The following GRHL2 variants were observed in gnomAD, a reference collection of about 807,000 sequenced individuals.
The protein encoded by GRHL2 is grainyhead-like protein 2 homolog.
A neutral mutation model predicts 83.8 loss-of-function variants in GRHL2; 21 were observed. The observed-to-expected ratio is 0.25, with a 90% confidence interval of 0.18 to 0.36. GRHL2 has a LOEUF of 0.36. GRHL2 is among the 10% of genes least tolerant of loss of function. The pLI, the probability that GRHL2 is intolerant of heterozygous loss-of-function variation, is 1.00. For synonymous variants in GRHL2, 280 were observed against 278.9 expected (o/e 1.00, Z -0.04); for missense variants, 623 against 781.8 (o/e 0.80, Z 2.42).
At chr8:101,679,472 G>A in the GRHL2 span, among the ~76,000 whole-genome samples, 3 of 150,008 alleles carry the variant, frequency 2.0e-5, no homozygotes, top group Non-Finnish European at 4.4e-5. Context: ...AAGTGATGGG[G>A]AGAATGGAAC....
intron 5 of GRHL2, 120 bp downstream of exon 5, chr8:101,570,514 C>T: frequency 1.2e-6 from 1 of 859,072 alleles, no homozygotes; most frequent in Non-Finnish European, 2.0e-6. Flanking sequence ...GTGTGATTTC[C>T]TTTGCCTCAG....
chr8:101,569,900 A>G (rs565932958), intron 4 of GRHL2, among the ~76,000 whole-genome samples: 4 of 152,350 alleles, frequency 2.6e-5, no homozygotes, highest in Admixed American at 1.3e-4. Context: ...ACTTGACCCT[A>G]TACAATCTTG....
At chr8:101,582,095 G>A (rs907887464) in intron 7 of GRHL2, among the ~76,000 whole-genome samples, 16 of 152,052 alleles carry the variant, frequency 1.1e-4, no homozygotes, top group Admixed American at 7.2e-4. Flanking sequence ...AAAATTAGCC[G>A]GACGTGGTGG....
At chr8:101,578,480 A>G (rs1811979393) in intron 7 of GRHL2, among the ~76,000 whole-genome samples, 1 of 152,222 alleles carries the variant, frequency 6.6e-6, no homozygotes, top group African/African-American at 2.4e-5. Flanking sequence ...CAGTTTGCAG[A>G]ATCAACCTCT....
intron 1 of GRHL2, among the ~76,000 whole-genome samples, chr8:101,539,170 G>T (rs1811102131): frequency 1.3e-5 from 2 of 152,122 alleles, no homozygotes; most frequent in East Asian, 3.9e-4. Flanking sequence ...CTTCAGCTTG[G>T]TGCTTCCTGC....
At chr8:101,673,450 A>C (rs921363945), downstream of GRHL2, among the ~76,000 whole-genome samples, 1 of 150,788 alleles carries the variant, frequency 6.6e-6, no homozygotes, top group African/African-American at 2.5e-5. Flanking sequence ...CAAAAGAGAC[A>C]AAGAAGGCCA....
intron 1 of GRHL2, among the ~76,000 whole-genome samples, chr8:101,511,480 T>G (rs905139739): frequency 1.6e-4 from 24 of 152,286 alleles, no homozygotes; most frequent in Non-Finnish European, 3.2e-4. Flanking sequence ...CTCGAGTAGC[T>G]GGGACTACAG....
At chr8:101,527,323 T>C (rs990034337) in intron 1 of GRHL2, among the ~76,000 whole-genome samples, 3 of 152,192 alleles carry the variant, frequency 2.0e-5, no homozygotes, top group Admixed American at 6.5e-5. Flanking sequence ...TCTCCTTACG[T>C]ACAAAGCAAA....
intron 15 of GRHL2, among the ~76,000 whole-genome samples, chr8:101,665,439 A>G (rs1176173404): frequency 6.6e-6 from 1 of 152,218 alleles, no homozygotes; most frequent in Non-Finnish European, 1.5e-5. Flanking sequence ...CTGAGTGATG[A>G]GTCCTGTTGG....
intron 14 of GRHL2, among the ~76,000 whole-genome samples, chr8:101,658,557 C>T (rs1268367286): frequency 6.6e-6 from 1 of 152,146 alleles, no homozygotes; most frequent in Non-Finnish European, 1.5e-5. Context: ...ATGGCTGGTG[C>T]CGCTGCTACC....
chr8:101,537,246 C>G (rs1181549360), intron 1 of GRHL2, among the ~76,000 whole-genome samples: 2 of 152,024 alleles, frequency 1.3e-5, no homozygotes, highest in African/African-American at 4.8e-5. Context: ...TTCTCAGGTA[C>G]TATATATCTG....
intron 7 of GRHL2, among the ~76,000 whole-genome samples, chr8:101,591,060 A>C (rs772034507): frequency 2.0e-5 from 3 of 152,228 alleles, no homozygotes; most frequent in Non-Finnish European, 4.4e-5. Context: ...CCTACAATCC[A>C]TTTGAAGAAA....
intron 12 of GRHL2, among the ~76,000 whole-genome samples, chr8:101,643,330 A>T (rs1346626225): frequency 7.1e-6 from 1 of 141,742 alleles, no homozygotes; most frequent in African/African-American, 2.6e-5. Flanking sequence ...ACATTTTCTC[A>T]GTATCAATGA....
chr8:101,564,221 A>G (rs1253294130), intron 4 of GRHL2, among the ~76,000 whole-genome samples: 1 of 152,226 alleles, frequency 6.6e-6, no homozygotes, highest in Non-Finnish European at 1.5e-5. Context: ...ATTAAATTGA[A>G]TATCCTACTA....
intron 1 of GRHL2, among the ~76,000 whole-genome samples, chr8:101,539,470 G>C (rs1326317222): frequency 6.6e-6 from 1 of 152,068 alleles, no homozygotes; most frequent in Non-Finnish European, 1.5e-5. Context: ...AATCGTGGGG[G>C]GCCGGTGACA....
downstream of GRHL2, among the ~76,000 whole-genome samples, chr8:101,674,510 A>G (rs1278214704): frequency 2.0e-5 from 3 of 152,154 alleles, no homozygotes; most frequent in Non-Finnish European, 4.4e-5. Context: ...TAAACCAGGA[A>G]GAAGTTGAAT....
chr8:101,630,474 C>A (rs2130395058), intron 9 of GRHL2, among the ~76,000 whole-genome samples: 1 of 152,180 alleles, frequency 6.6e-6, no homozygotes, highest in East Asian at 1.9e-4. Flanking sequence ...GTATTTTCGC[C>A]AACTTGTCCT....
At chr8:101,523,467 T>A (rs908702702) in intron 1 of GRHL2, among the ~76,000 whole-genome samples, 13 of 111,456 alleles carry the variant, frequency 1.2e-4, no homozygotes, top group Non-Finnish European at 2.0e-4. Flanking sequence ...TACTTTTATA[T>A]CCACTGAAAG....
downstream of GRHL2, among the ~76,000 whole-genome samples, chr8:101,670,053 T>C (rs1315225881): frequency 2.6e-5 from 4 of 152,198 alleles, no homozygotes; most frequent in Admixed American, 2.0e-4. Context: ...TCGCCCGCCC[T>C]TGAATTCCCA....
Sources: gnomAD v4.1 joint callset for allele counts (sites outside exome capture counted in the v4.1 genomes callset) on GRCh38, gnomAD v4.1.1 for gene constraint, MANE v1.5 for transcripts, NCBI Gene and HGNC (gene_info 2026-07-23, HGNC 2026-07-21) for gene names.